ATF7: variants seen among roughly 807,000 people sequenced by gnomAD.
ATF7 encodes activating transcription factor 7.
ATF7 carries 10 observed loss-of-function variants against 50.4 expected under a neutral mutation model. The observed-to-expected ratio is 0.20, with a 90% CI of 0.12 to 0.34. ATF7 has a LOEUF of 0.34. Ranked by LOEUF, ATF7 falls within the 10% of genes least tolerant of loss-of-function variation. ATF7 has a pLI of 1.00. For synonymous variants in ATF7, 201 were observed against 226.4 expected, an observed-to-expected ratio of 0.89 and a Z score of 1.01; for missense variants, 465 against 613.9, an observed-to-expected ratio of 0.76 and a Z score of 2.56.
rs60625732 is a variant in ATF7, at chr12:53,519,648, T to C, written c.1235-2294A>G. 2.9e-3 allele frequency among the ~76,000 whole-genome samples: 444 copies of C among 152,292 alleles called. 4 individuals carry two copies. Among genetic ancestry groups the C allele is most frequent in the East Asian group, 0.027 (141 of 5,178 alleles). On this transcript the variant is annotated intron_variant, in intron 11 of 11. Transcript: ENST00000420353. ...AATAAGTAGTTTAATGGATTAACTA[T>C]GTATCAGAGTTCTTGCAGGGACTAA...
chr12:53,525,337 G>A (rs929467094), intron 9 of ATF7, among the ~76,000 whole-genome samples: 1 of 152,136 alleles, frequency 6.6e-6, no homozygotes, highest in East Asian at 1.9e-4. Flanking sequence ...TGGGCAACAA[G>A]AGCGAAACTC....
At chr12:53,532,039 A>G (rs1565926614) in intron 8 of ATF7, 143 bp from the exon 9 acceptor site, 9 of 972,140 alleles carry the variant, frequency 9.3e-6, no homozygotes, top group Non-Finnish European at 1.3e-5. Context: ...ATTAAGAGAA[A>G]ATGACAGGCA....
At chr12:53,558,317 C>A (rs1023593513) in intron 2 of ATF7, among the ~76,000 whole-genome samples, 8 of 151,982 alleles carry the variant, frequency 5.3e-5, no homozygotes, top group African/African-American at 1.9e-4. Context: ...GACAGCCTCC[C>A]AAAACAAAGA....
chr12:53,552,535 A>AC lies in ATF7; in HGVS notation c.145+5_145+6insG, dbSNP rs770491518. 2 of 1,610,588 alleles carry AC rather than the reference A, an allele frequency of 1.2e-6. No homozygotes were observed. Among genetic ancestry groups the AC allele is most frequent in the Admixed American group, 3.3e-5 (2 of 59,946 alleles). On this transcript the variant is annotated splice_donor_region_variant and intron_variant, in intron 3 of 11. Transcript: ENST00000420353. Reference sequence around the variant, plus strand: ...CAAGGCACGTGGCTTTTGGGGCAGCAAATACCTGCAATGATGACTGAGTCA... The same window carrying AC: ...CAAGGCACGTGGCTTTTGGGGCAGCACAATACCTGCAATGATGACTGAGTCA...
At chr12:53,508,906 C>T (rs181130495), downstream of ATF7, among the ~76,000 whole-genome samples, 46 of 152,314 alleles carry the variant, frequency 3.0e-4, no homozygotes, top group African/African-American at 8.2e-4. Context: ...ATTCTGACCC[C>T]GACTCTGGTC....
intron 1 of ATF7, among the ~76,000 whole-genome samples, chr12:53,602,959 T>A (rs1943462203): frequency 6.6e-6 from 1 of 152,148 alleles, no homozygotes; most frequent in Non-Finnish European, 1.5e-5. Context: ...AATTCCTAAC[T>A]CCTGTGCTAG....
At chr12:53,587,269 A>G (rs1201225907) in intron 2 of ATF7, among the ~76,000 whole-genome samples, 2 of 150,374 alleles carry the variant, frequency 1.3e-5, no homozygotes, top group African/African-American at 4.9e-5. Context: ...TGGGAGGCTG[A>G]GGCAGGAGAA....
intron 11 of ATF7, among the ~76,000 whole-genome samples, chr12:53,518,978 C>T (rs1272661831): frequency 3.3e-5 from 5 of 149,944 alleles, no homozygotes; most frequent in African/African-American, 4.9e-5. Flanking sequence ...GGTGTGAACC[C>T]GGGAGGCAGA....
At chr12:53,534,810 T>C (rs1324420885) in intron 5 of ATF7, among the ~76,000 whole-genome samples, 151 bp from the exon 6 acceptor site, 2 of 152,186 alleles carry the variant, frequency 1.3e-5, no homozygotes, top group African/African-American at 4.8e-5. Flanking sequence ...CAGGGACCCA[T>C]AACTCACTCA....
At chr12:53,520,449 AC>A (rs1270460804) in intron 11 of ATF7, among the ~76,000 whole-genome samples, 2 of 152,124 alleles carry the variant, frequency 1.3e-5, no homozygotes, top group African/African-American at 4.8e-5. Flanking sequence ...ATGGTGGTGC[AC>A]GCCTGTGGTC....
rs137882243 is a variant in ATF7, at chr12:53,514,297, C to T, written c.*2840G>A. The T allele has an allele frequency of 2.0e-5, 3 of 152,170 alleles. No individual in the cohort carries two copies. The highest frequency in any genetic ancestry group is 1.9e-4 in the East Asian group (1 of 5,170). The allele number at this position is 152,170 out of a possible 1,614,324, so 9.4% of individuals were successfully genotyped here. A position where few individuals can be genotyped will look rare whatever the true frequency, so the allele number is the denominator to read the frequency against. ...AGCCTGAGTCCTGTATTCACATGAA[C>T]GAATTCAGGACACCCACCATACACT... On this transcript the variant is annotated 3_prime_UTR_variant, in exon 12 of 12. Transcript: ENST00000420353.
intron 1 of ATF7, among the ~76,000 whole-genome samples, chr12:53,601,678 T>C (rs1386657245): frequency 6.6e-6 from 1 of 152,232 alleles, no homozygotes; most frequent in East Asian, 1.9e-4. Flanking sequence ...CTTCTGATTC[T>C]ATTTACGGCT....
chr12:53,619,689 G>GT (rs1944298229), intron 1 of ATF7, among the ~76,000 whole-genome samples: 3 of 151,450 alleles, frequency 2.0e-5, no homozygotes, highest in Non-Finnish European at 1.5e-5. Flanking sequence ...GCGCACATCT[G>GT]TAGTCCTAGC....
intron 4 of ATF7, among the ~76,000 whole-genome samples, chr12:53,541,653 TCTA>T (rs1939558437): frequency 6.6e-6 from 1 of 152,164 alleles, no homozygotes; most frequent in Non-Finnish European, 1.5e-5. Context: ...CTACAATATC[TCTA>T]CTAAGTGGTC....
At chr12:53,528,531 G>A (rs1033403614) in intron 9 of ATF7, among the ~76,000 whole-genome samples, 11 of 152,184 alleles carry the variant, frequency 7.2e-5, no homozygotes, top group African/African-American at 2.7e-4. Flanking sequence ...GGGAGGCTGA[G>A]GCGAGTGGAT....
At chr12:53,623,229 G>A (rs763470225) in intron 1 of ATF7, among the ~76,000 whole-genome samples, 3 of 152,116 alleles carry the variant, frequency 2.0e-5, no homozygotes, top group Non-Finnish European at 2.9e-5. Context: ...AAGACCAACC[G>A]TCTTTTAACA....
At chr12:53,615,327 T>A (rs959931592) in intron 1 of ATF7, among the ~76,000 whole-genome samples, 2 of 151,828 alleles carry the variant, frequency 1.3e-5, no homozygotes, top group African/African-American at 4.8e-5. Flanking sequence ...AAGCTTGCAG[T>A]GAGCCGAGCT....
rs191392952 is a variant in ATF7, at chr12:53,606,203, T to C, written c.-21-5182A>G. Among the ~76,000 whole-genome samples, 227 of 152,034 alleles carry C rather than the reference T, an allele frequency of 1.5e-3. 1 individual carries two copies. The highest frequency in any genetic ancestry group is 4.8e-3 in the Admixed American group (73 of 15,266). ...TGAGCTATTAAGATATATATATATA[T>C]ATTCAAGTACAAGAGAATGCCAATA... On this transcript the variant is annotated intron_variant, in intron 1 of 11. Transcript: ENST00000420353.
At position 53,603,063 on chromosome 12, in the gene ATF7, C is replaced by T. The variant is rs189945146; in HGVS notation, c.-21-2042G>A. ...ACGAGGTCCTCTAATATATTTTCAACCAGGAAGTAAACTACAAGGGCTAGA... is the reference window on the plus strand; with the variant it reads ...ACGAGGTCCTCTAATATATTTTCAATCAGGAAGTAAACTACAAGGGCTAGA... On this transcript the variant is annotated intron_variant, in intron 1 of 11. Coordinates refer to ENST00000420353, the MANE Select transcript of ATF7 (RefSeq NM_006856.3). Among the ~76,000 whole-genome samples the T allele has an allele frequency of 1.1e-3, 160 of 152,228 alleles. 1 individual carries two copies. The highest frequency in any genetic ancestry group is 3.7e-3 in the African/African-American group (153 of 41,524).
Sources: gnomAD v4.1 joint callset for allele counts (sites outside exome capture counted in the v4.1 genomes callset) on GRCh38, gnomAD v4.1.1 for gene constraint, MANE v1.5 for transcripts, NCBI Gene and HGNC (gene_info 2026-07-23, HGNC 2026-07-21) for gene names.